ERCC1: variants seen among roughly 807,000 people sequenced by gnomAD.
ERCC1 encodes the protein DNA excision repair protein ERCC-1.
Under a neutral mutation model 37.6 loss-of-function variants are expected in ERCC1, and 36 were observed. That is an observed-to-expected ratio of 0.96 (90% confidence interval 0.73 to 1.26). The LOEUF is 1.26. Ranked by LOEUF, ERCC1 falls within the 50% of genes most tolerant of loss-of-function variation. The pLI is 0.00. For synonymous variants in ERCC1, 156 were observed against 162.1 expected (o/e 0.96, Z 0.28); for missense variants, 349 against 376.5 (o/e 0.93, Z 0.60).
rs1347729443 is a variant in ERCC1, at chr19:45,408,466, C to T, written c.*1209G>A. 9 of 1,613,782 alleles carry T rather than the reference C, an allele frequency of 5.6e-6. No individual in the cohort carries two copies. The African/African-American group carries it at 1.2e-4, about 22-fold the overall frequency. ...TCACAGGGCCTAGGTCAGCCTTGGC[C>T]CCCAACCTGCTCACCTCAGGGAAGA... On this transcript the variant is annotated 3_prime_UTR_variant, in exon 10 of 10. Transcript: ENST00000300853.
chr19:45,412,902 G>A (rs1973828915), intron 9 of ERCC1, among the ~76,000 whole-genome samples: 1 of 151,820 alleles, frequency 6.6e-6, no homozygotes, highest in Non-Finnish European at 1.5e-5. Context: ...ACCATACCTG[G>A]CTACTTTTTT....
rs768588594 is a variant in ERCC1 at position 45,421,217 on chromosome 19, G to A, written c.282C>T (p.Pro94=). The A allele has an allele frequency of 2.0e-5, 33 of 1,614,052 alleles. No individual in the cohort carries two copies. The highest frequency in any genetic ancestry group is 1.6e-4 in the Middle Eastern group (1 of 6,070). The stretch of plus-strand genomic sequence containing the variant: ...CAATGATGCTGTTGGATTTTGCCCC[G>A]GGTTTCAGGGCCTGGTTGGGCGTCT... ...AGETPNQALK[P]GAKSNSIIVS... The change falls in exon 3 of 10, where the codon CCC becomes CCT. Residue 94 remains proline (P), a synonymous_variant. Coordinates refer to ENST00000300853, the MANE Select transcript of ERCC1 (RefSeq NM_001983.4).
chr19:45,421,203 T>G lies in ERCC1; in HGVS notation c.296A>C (p.Asn99Thr). ...CTGCCGAGGGCTCACAATGATGCTG[T>G]TGGATTTTGCCCCGGGTTTCAGGGC... The part of the protein sequence containing the change: ...NQALKPGAKS[N>T]SIIVSPRQRG... Residue 99 changes from asparagine (N) to threonine (T), a missense_variant, in exon 3 of 10, where the codon AAC becomes ACC. Coordinates refer to ENST00000300853, the MANE Select transcript of ERCC1 (RefSeq NM_001983.4). The G allele has an allele frequency of 6.2e-7, 1 of 1,614,120 alleles. No individual in the cohort carries two copies. Among genetic ancestry groups the G allele is most frequent in the Non-Finnish European group, 8.5e-7 (1 of 1,180,012 alleles).
At chr19:45,444,361 C>T (rs2123613296) in intron 1 of ERCC1, among the ~76,000 whole-genome samples, 1 of 150,968 alleles carries the variant, frequency 6.6e-6, no homozygotes, top group Non-Finnish European at 1.5e-5. Flanking sequence ...GGCGCGCTCC[C>T]ACGCCCGGCG....
Position 45,410,818 on chromosome 19 carries a change from T to G in ERCC1, c.844-1093A>C, listed in dbSNP as rs1028172714. 5.3e-5 allele frequency: 8 copies of G among 151,976 alleles called. 1 individual carries two copies. The highest frequency in any genetic ancestry group is 5.3e-4 in the Admixed American group (8 of 15,204). The allele number at this position is 151,976 out of a possible 1,614,324, so 9.4% of individuals were successfully genotyped here. On this transcript the variant is annotated intron_variant, in intron 9 of 9. Transcript: ENST00000300853. ...TTGTAATTGACAGGATCTCATGTTT[T>G]TTTTGTTTTGTTTTGTTTTGTTTTG...
At chr19:45,412,843 G>A (rs145446722) in intron 9 of ERCC1, among the ~76,000 whole-genome samples, 62 of 151,680 alleles carry the variant, frequency 4.1e-4, no homozygotes, top group Admixed American at 7.2e-4. Flanking sequence ...GGGTTCAAAC[G>A]ATTGTCCTGC....
intron 6 of ERCC1, chr19:45,415,748 T>C: frequency 4.4e-6 from 2 of 456,034 alleles, no homozygotes; most frequent in South Asian, 3.1e-5. Context: ...CTTGATATCT[T>C]TTCTGGCTAC....
intron 1 of ERCC1, among the ~76,000 whole-genome samples, chr19:45,447,519 C>T (rs964143428): frequency 9.9e-5 from 15 of 152,246 alleles, no homozygotes; most frequent in African/African-American, 3.4e-4. Flanking sequence ...AGGTGGTCCA[C>T]CTGCCTCCGC....
Position 45,409,224 on chromosome 19 carries a change from C to T in ERCC1, c.*451G>A, listed in dbSNP as rs1301163543. The T allele has an allele frequency of 1.9e-6, 3 of 1,609,856 alleles. No homozygotes were observed. The highest frequency in any genetic ancestry group is 2.5e-6 in the Non-Finnish European group (3 of 1,177,542). On this transcript the variant is annotated 3_prime_UTR_variant, in exon 10 of 10. Coordinates refer to ENST00000300853, the MANE Select transcript of ERCC1 (RefSeq NM_001983.4). The stretch of plus-strand genomic sequence containing the variant: ...GACCTTGAGCCTCAGGCAGCTCCCA[C>T]ATCCACCAAGAAGAAGAAGAAGAAG...
In ERCC1 at chr19:45,423,637, C is replaced by T. The variant is rs996578060; in HGVS notation, c.-8+144G>A. 2.3e-6 allele frequency: 3 copies of T among 1,329,292 alleles called. No individual in the cohort carries two copies. The African/African-American group carries it at 4.4e-5, about 20-fold the overall frequency. The allele number at this position is 1,329,292 out of a possible 1,614,324, so 82.3% of individuals were successfully genotyped here. On this transcript the variant is annotated intron_variant, in intron 1 of 9. Coordinates refer to ENST00000300853, the MANE Select transcript of ERCC1 (RefSeq NM_001983.4). ...CACCGGATTCTATTGGCTCCGTCCC[C>T]ACCATCCCCCGCCTTCCGTTCGTCC...
intron 1 of ERCC1, among the ~76,000 whole-genome samples, chr19:45,438,728 G>T (rs1975044584): frequency 6.6e-6 from 1 of 151,810 alleles, no homozygotes; most frequent in South Asian, 2.1e-4. Context: ...CGTGACCTCC[G>T]CCTCCCTGGG....
rs780633140 is a variant in ERCC1, at chr19:45,419,150, T to G, written c.473A>C (p.Gln158Pro). Residue 158 changes from glutamine (Q) to proline (P), a missense_variant, in exon 5 of 10, where the codon CAG (glutamine) becomes CCG (proline). Gln to Pro is a moderately conservative substitution (Grantham distance 76). Transcript: ENST00000300853. ...LHPDYIHGRLQSLGKNFALRV... is the reference protein window; with the variant it reads ...LHPDYIHGRLPSLGKNFALRV... ...CAAGGCGAAGTTCTTCCCCAGGCTC[T>G]GCAGCCGCCCATGGATGTAGTCTGG... is the stretch of plus-strand genomic sequence containing the variant. 3.8e-6 allele frequency: 6 copies of G among 1,598,342 alleles called. No homozygotes were observed. In the African/African-American group the frequency reaches 8.0e-5, roughly 21 times the overall value.
At chr19:45,426,863 G>A (rs1287892343), upstream of ERCC1, among the ~76,000 whole-genome samples, 6 of 151,106 alleles carry the variant, frequency 4.0e-5, no homozygotes, top group African/African-American at 1.2e-4. Context: ...GGAAAGCTGA[G>A]GCAGGAGAAT....
At chr19:45,434,444 A>T (rs977497428) in intron 1 of ERCC1, among the ~76,000 whole-genome samples, 14 of 151,990 alleles carry the variant, frequency 9.2e-5, no homozygotes, top group Non-Finnish European at 1.9e-4. Flanking sequence ...GAGGGCCATG[A>T]TCATGACAAT....
intron 6 of ERCC1, chr19:45,415,851 G>A: frequency 4.4e-6 from 2 of 453,672 alleles, no homozygotes; most frequent in South Asian, 3.1e-5. Flanking sequence ...TGTAAAGTGG[G>A]GTGGTCAGGC....
chr19:45,410,033 A>G (rs767568886), intron 9 of ERCC1: 100 of 162,566 alleles, frequency 6.2e-4, no homozygotes, highest in Non-Finnish European at 1.1e-3. Flanking sequence ...CTGGGACTAC[A>G]GGCCCCTGCC....
In ERCC1 at chr19:45,423,396, G is replaced by A; in HGVS notation, c.-7-15C>T. On this transcript the variant is annotated splice_polypyrimidine_tract_variant and intron_variant, in intron 1 of 9. Coordinates refer to ENST00000300853, the MANE Select transcript of ERCC1 (RefSeq NM_001983.4). ...CCATCTGGAGCCTGAAAGGGAAGGTGCCAGGAGCGAGTGAGCCACTGGCGT... is the reference window on the plus strand; with the variant it reads ...CCATCTGGAGCCTGAAAGGGAAGGTACCAGGAGCGAGTGAGCCACTGGCGT... 1 of 1,601,492 alleles carries A rather than the reference G, an allele frequency of 6.2e-7. No individual in the cohort carries two copies. The highest frequency in any genetic ancestry group is 8.5e-7 in the Non-Finnish European group (1 of 1,174,404).
upstream of ERCC1, chr19:45,424,052 G>C: frequency 1.2e-5 from 13 of 1,044,716 alleles, no homozygotes; most frequent in Non-Finnish European, 1.5e-5. Flanking sequence ...CTCCCAAACT[G>C]TTAAGTTTCA....
rs140588481 is a variant in ERCC1, at chr19:45,437,709, G to T, written c.-7-14328C>A. ...CTAGAGTCCAGGGAAGTGGGAGAGG[G>T]TTGGGAAAAGAGAAGATGTTGATCA... On this transcript the variant is annotated intron_variant, in intron 1 of 8. Transcript: ENST00000423698. 4.8e-3 allele frequency among the ~76,000 whole-genome samples: 731 copies of T among 152,308 alleles called. 7 individuals are homozygous for T. The highest frequency in any genetic ancestry group is 0.016 in the African/African-American group (682 of 41,570).
Sources: allele counts gnomAD v4.1 joint callset (sites outside exome capture counted in the v4.1 genomes callset), GRCh38; gene constraint gnomAD v4.1.1; transcripts MANE v1.5; gene names NCBI Gene and HGNC (gene_info 2026-07-23, HGNC 2026-07-21).